Variants in CCDC38 observed in about 807,000 individuals in gnomAD.
CCDC38 encodes coiled-coil domain-containing protein 38.
In CCDC38, 69 loss-of-function variants were observed where a neutral mutation model predicts 72.8. That is an observed-to-expected ratio of 0.95 (90% CI 0.78 to 1.16). CCDC38 has a LOEUF of 1.16. CCDC38 is among the 50% of genes most tolerant of loss of function. The pLI is 0.00. For synonymous variants in CCDC38, 201 were observed against 213.2 expected (o/e 0.94, Z 0.50); for missense variants, 626 against 638.9 (o/e 0.98, Z 0.22).
intron 10 of CCDC38, 101 bp downstream of exon 10, chr12:95,888,357 A>T (rs554494622): frequency 4.9e-6 from 5 of 1,015,620 alleles, no homozygotes; most frequent in Non-Finnish European, 7.7e-6. Context: ...CTCTTACAAC[A>T]GTTATGGGTA....
chr12:95,909,182 A>G (rs2080063893), intron 4 of CCDC38, among the ~76,000 whole-genome samples: 1 of 152,196 alleles, frequency 6.6e-6, no homozygotes, highest in Non-Finnish European at 1.5e-5. Flanking sequence ...AAGAGAGAAG[A>G]TCCAAATAAG....
intron 2 of CCDC38, among the ~76,000 whole-genome samples, chr12:95,927,810 C>A (rs1478695070): frequency 6.7e-6 from 1 of 149,232 alleles, no homozygotes; most frequent in East Asian, 2.0e-4. Flanking sequence ...CTTAGTTTGG[C>A]TGGATATGAA....
At position 95,935,406 on chromosome 12, in the gene CCDC38, T is replaced by C. The variant is rs557283721; in HGVS notation, c.37+1067A>G. ...CCTTTTCTCCTGGCTGGCAGGAATA[T>C]GGATGTAATCACTGGTGTGGAAGCA... On this transcript the variant is annotated intron_variant, in intron 2 of 15. Coordinates refer to ENST00000344280, the MANE Select transcript of CCDC38 (RefSeq NM_182496.3). The C allele has an allele frequency of 2.5e-5, 4 of 161,436 alleles. No homozygotes were observed. The Admixed American group carries it at 2.5e-4, about 10-fold the overall frequency. The allele number at this position is 161,436 out of a possible 1,614,324, so 10.0% of individuals were successfully genotyped here.
intron 4 of CCDC38, among the ~76,000 whole-genome samples, chr12:95,915,758 A>C (rs761998990): frequency 6.6e-6 from 1 of 152,212 alleles, no homozygotes; most frequent in Non-Finnish European, 1.5e-5. Flanking sequence ...AGAAACTGAC[A>C]ATCTGGTTTC....
At chr12:95,916,379 G>GCCTGCCTGCCTTCCTTCCTTCCTTCCTT (rs1457231674) in intron 4 of CCDC38, among the ~76,000 whole-genome samples, 499 of 147,390 alleles carry the variant, frequency 3.4e-3, no homozygotes, top group Non-Finnish European at 5.3e-3. Flanking sequence ...TTGCCTGCCT[G>GCCTGCCTGCCTTCCTTCCTTCCTTCCTT]CCTTCCTTCC....
chr12:95,886,704 G>A (rs1403095161), intron 10 of CCDC38, among the ~76,000 whole-genome samples: 1 of 152,278 alleles, frequency 6.6e-6, no homozygotes, highest in South Asian at 2.1e-4. Context: ...ACAAGCACAC[G>A]ACAAGATGCG....
intron 11 of CCDC38, among the ~76,000 whole-genome samples, chr12:95,880,239 T>G (rs1175219591): frequency 1.3e-5 from 2 of 152,192 alleles, no homozygotes; most frequent in African/African-American, 2.4e-5. Context: ...CTTGGGCATT[T>G]GCACACCCAT....
intron 4 of CCDC38, among the ~76,000 whole-genome samples, chr12:95,914,648 G>GGAAGA: frequency 6.6e-6 from 1 of 152,146 alleles, no homozygotes; most frequent in East Asian, 1.9e-4. Flanking sequence ...TTTACACACA[G>GGAAGA]TCTGCATTCA....
Position 95,901,642 on chromosome 12 carries a change from G to A in CCDC38, c.370-2911C>T, listed in dbSNP as rs575285509. Among the ~76,000 whole-genome samples the A allele has an allele frequency of 2.0e-5, 3 of 152,344 alleles. No homozygotes were observed. In the East Asian group the frequency reaches 5.8e-4, roughly 29 times the overall value. ...AGTTAGCAAGGTGGAAGAGTCGAGAGAGTGGCTCCCAGAAACCCACAGAAG... is the reference window on the plus strand; with the variant it reads ...AGTTAGCAAGGTGGAAGAGTCGAGAAAGTGGCTCCCAGAAACCCACAGAAG... On this transcript the variant is annotated intron_variant, in intron 5 of 15. Coordinates refer to ENST00000344280, the MANE Select transcript of CCDC38 (RefSeq NM_182496.3).
At chr12:95,871,849 T>A (rs557632913) in intron 14 of CCDC38, among the ~76,000 whole-genome samples, 1 of 152,308 alleles carries the variant, frequency 6.6e-6, no homozygotes, top group South Asian at 2.1e-4. Flanking sequence ...TAATTCTATA[T>A]CTTGGGTCCT....
rs1454176262 is a variant in CCDC38, at chr12:95,867,120, C to T, written c.1648G>A (p.Glu550Lys). 3 of 1,607,704 alleles carry T rather than the reference C, an allele frequency of 1.9e-6. No homozygotes were observed. Among genetic ancestry groups the T allele is most frequent in the Admixed American group, 1.7e-5 (1 of 59,612 alleles). The change falls in exon 16 of 16, where the codon GAA (glutamate) becomes AAA (lysine). Residue 550 changes from glutamate to lysine, a missense_variant. By Grantham distance (56) the Glu-to-Lys change is moderately conservative. Transcript: ENST00000344280. ...TCCTCTTGTGATTTTGTTTTTGTTT[C>T]ATTGACTAAAGGTAGCTGCTGTTTG... ...GNKQQLPLVNETKTKSQEEEY... is the reference protein window; with the variant it reads ...GNKQQLPLVNKTKTKSQEEEY...
chr12:95,906,774 T>C lies in CCDC38; in HGVS notation c.305-323A>G, dbSNP rs570267388. Among the ~76,000 whole-genome samples, 1,001 of 150,106 alleles carry C rather than the reference T, an allele frequency of 6.7e-3. 6 individuals are homozygous for C. Among genetic ancestry groups the C allele is most frequent in the Non-Finnish European group, 9.9e-3 (668 of 67,634 alleles). On this transcript the variant is annotated intron_variant, in intron 4 of 15. Coordinates refer to ENST00000344280, the MANE Select transcript of CCDC38 (RefSeq NM_182496.3). Reference sequence around the variant, plus strand: ...AAGTGTAGAGCTGTCAAAATTCTTTTTTTTTTTTTTCCAATCAAGATTTCT... The same window carrying C: ...AAGTGTAGAGCTGTCAAAATTCTTTCTTTTTTTTTTCCAATCAAGATTTCT...
intron 4 of CCDC38, among the ~76,000 whole-genome samples, chr12:95,907,932 G>A (rs1400351796): frequency 2.0e-5 from 3 of 151,088 alleles, no homozygotes; most frequent in African/African-American, 4.9e-5. Flanking sequence ...TGGCGGCTGG[G>A]CAGAGATGCT....
intron 9 of CCDC38, 56 bp from the exon 10 acceptor site, chr12:95,888,562 A>G: frequency 6.5e-7 from 1 of 1,533,464 alleles, no homozygotes; most frequent in Admixed American, 1.7e-5. Context: ...GTGAAAAGAA[A>G]TAACATGGAA....
At chr12:95,907,460 C>T (rs1592783157) in intron 4 of CCDC38, among the ~76,000 whole-genome samples, 2 of 120,644 alleles carry the variant, frequency 1.7e-5, no homozygotes, top group Non-Finnish European at 3.3e-5. Flanking sequence ...GGGCTGACCC[C>T]CCCACCTCCC....
chr12:95,903,524 T>C, intron 5 of CCDC38: 3 of 694,748 alleles, frequency 4.3e-6, no homozygotes, highest in Non-Finnish European at 7.9e-6. Flanking sequence ...TAGTGATAAG[T>C]TTCTAGTAGA....
intron 1 of CCDC38, among the ~76,000 whole-genome samples, chr12:95,937,966 G>A (rs2080411577): frequency 6.6e-6 from 1 of 152,192 alleles, no homozygotes; most frequent in African/African-American, 2.4e-5. Flanking sequence ...CACCTCTTAA[G>A]GCTTTCTTGA....
At chr12:95,938,744 C>T (rs2136748616) in intron 1 of CCDC38, among the ~76,000 whole-genome samples, 1 of 152,246 alleles carries the variant, frequency 6.6e-6, no homozygotes, top group South Asian at 2.1e-4. Context: ...ATTATAAAGT[C>T]CCCTTTCCAA....
chr12:95,938,954 G>A (rs2080421389), intron 1 of CCDC38, among the ~76,000 whole-genome samples: 1 of 152,174 alleles, frequency 6.6e-6, no homozygotes, highest in Non-Finnish European at 1.5e-5. Context: ...GAAATATCAG[G>A]AATGTAAAAT....
Sources: gnomAD v4.1 joint callset for allele counts (sites outside exome capture counted in the v4.1 genomes callset) on GRCh38, gnomAD v4.1.1 for gene constraint, MANE v1.5 for transcripts, NCBI Gene and HGNC (gene_info 2026-07-23, HGNC 2026-07-21) for gene names.